The following ROBO2 variants were observed in gnomAD, a reference collection of about 807,000 sequenced individuals.
ROBO2 encodes roundabout homolog 2.
Under a neutral mutation model 160.8 loss-of-function variants are expected in ROBO2, and 53 were observed. The ratio of observed to expected loss-of-function variants is 0.33; its 90% CI spans 0.26 to 0.41. ROBO2 has a LOEUF of 0.41. ROBO2 is among the 10% of genes least tolerant of loss of function. ROBO2 has a pLI of 1.00. For missense variants in ROBO2, 1,577 were observed against 1,722.4 expected (o/e 0.92, Z 1.49); for synonymous variants, 664 against 611.7 (o/e 1.09, Z -1.26).
intron 2 of ROBO2, among the ~76,000 whole-genome samples, chr3:77,134,922 A>G (rs1242855544): frequency 6.6e-6 from 1 of 152,218 alleles, no homozygotes; most frequent in Non-Finnish European, 1.5e-5. Context: ...TAAATATGGT[A>G]TCTGCCGTTC....
At position 76,522,951 on chromosome 3, in the gene ROBO2, A is replaced by C. The variant is rs181784136; in HGVS notation, c.110-575063A>C. Among the ~76,000 whole-genome samples the C allele has an allele frequency of 7.2e-3, 1,073 of 149,288 alleles. 13 individuals carry two copies. Among genetic ancestry groups the C allele is most frequent in the African/African-American group, 0.024 (1,003 of 41,018 alleles). On this transcript the variant is annotated intron_variant, in intron 2 of 26. Transcript: ENST00000487694. Reference sequence around the variant, plus strand: ...ATATAGATAGCTGTATATATTACATAATTTTTATTATGATTATATAATTAT... The same window carrying C: ...ATATAGATAGCTGTATATATTACATCATTTTTATTATGATTATATAATTAT...
intron 2 of ROBO2, among the ~76,000 whole-genome samples, chr3:76,792,781 C>G (rs942531166): frequency 6.6e-6 from 1 of 151,650 alleles, no homozygotes; most frequent in East Asian, 1.9e-4. Context: ...TCAACCCAAA[C>G]TTTTTTTCTA....
In ROBO2 at chr3:77,596,633, C is replaced by T. The variant is rs758501341; in HGVS notation, c.2737C>T (p.Leu913Phe). 3.1e-6 allele frequency: 5 copies of T among 1,613,800 alleles called. No homozygotes were observed. The highest frequency in any genetic ancestry group is 1.3e-5 in the African/African-American group (1 of 74,888). Residue 913 changes from leucine to phenylalanine, a missense_variant, in exon 19 of 26, where the codon CTT becomes TTT. Physicochemically the swap from Leu to Phe is conservative, Grantham distance 22. Transcript: ENST00000461745. ...TAATTTCTGTTTTAGCCGTCCAGGTCTTCTCAATGCTGGTGATCCCAGCTA... is the reference window on the plus strand; with the variant it reads ...TAATTTCTGTTTTAGCCGTCCAGGTTTTCTCAATGCTGGTGATCCCAGCTA...
intron 2 of ROBO2, among the ~76,000 whole-genome samples, chr3:76,754,771 G>C (rs1384118626): frequency 2.0e-5 from 3 of 151,870 alleles, no homozygotes; most frequent in African/African-American, 7.2e-5. Flanking sequence ...TAATTAGGAA[G>C]TTTGGTACTT....
intron 2 of ROBO2, among the ~76,000 whole-genome samples, chr3:76,493,626 C>T (rs28500665): frequency 6.6e-6 from 1 of 151,568 alleles, no homozygotes; most frequent in African/African-American, 2.4e-5. Flanking sequence ...TTATGCGAAG[C>T]CTTCAGTTTT....
intron 2 of ROBO2, among the ~76,000 whole-genome samples, chr3:77,405,680 A>C (rs190017448): frequency 2.6e-5 from 4 of 152,112 alleles, no homozygotes; most frequent in Admixed American, 2.6e-4. Context: ...TCCAACTCTT[A>C]ATGTTTATAA....
At chr3:76,980,334 A>C (rs1019313871) in intron 2 of ROBO2, among the ~76,000 whole-genome samples, 3 of 152,324 alleles carry the variant, frequency 2.0e-5, no homozygotes, top group Admixed American at 6.5e-5. Context: ...CTTTAGAAAT[A>C]GTGCAAGATG....
intron 2 of ROBO2, chr3:77,316,807 T>C: frequency 7.7e-7 from 1 of 1,300,804 alleles, no homozygotes; most frequent in South Asian, 1.2e-5. Flanking sequence ...CTTGACGTTC[T>C]TGCCATCCAG....
intron 2 of ROBO2, among the ~76,000 whole-genome samples, chr3:75,958,163 T>A (rs1166195696): frequency 6.6e-6 from 1 of 151,818 alleles, no homozygotes; most frequent in African/African-American, 2.4e-5. Flanking sequence ...GCTGAACCAA[T>A]TTTGTACCTC....
intron 2 of ROBO2, chr3:77,317,372 A>C: frequency 1.0e-6 from 1 of 961,404 alleles, no homozygotes; most frequent in Non-Finnish European, 1.6e-6. Context: ...TGCCTAGTGT[A>C]TTGTCGGGGT....
At chr3:76,846,683 A>G (rs1413826699) in intron 2 of ROBO2, among the ~76,000 whole-genome samples, 1 of 152,188 alleles carries the variant, frequency 6.6e-6, no homozygotes, top group Admixed American at 6.5e-5. Flanking sequence ...AATAAGCTAA[A>G]ATAACCTATG....
intron 2 of ROBO2, among the ~76,000 whole-genome samples, chr3:77,154,100 C>A (rs914098696): frequency 6.6e-6 from 1 of 151,662 alleles, no homozygotes; most frequent in Non-Finnish European, 1.5e-5. Flanking sequence ...AGACTGCTAA[C>A]AGAATTATAA....
chr3:76,312,079 T>G (rs1320970396), intron 2 of ROBO2, among the ~76,000 whole-genome samples: 1 of 152,214 alleles, frequency 6.6e-6, no homozygotes, highest in Non-Finnish European at 1.5e-5. Flanking sequence ...GCCATTTGTT[T>G]ATATAAACAC....
chr3:76,731,873 C>A (rs1356635310), intron 2 of ROBO2, among the ~76,000 whole-genome samples: 2 of 152,102 alleles, frequency 1.3e-5, no homozygotes, highest in Admixed American at 6.5e-5. Flanking sequence ...AGGGAAATAT[C>A]AAATATGCCT....
intron 2 of ROBO2, among the ~76,000 whole-genome samples, chr3:77,451,986 T>C (rs1208909466): frequency 6.6e-6 from 1 of 152,108 alleles, no homozygotes; most frequent in African/African-American, 2.4e-5. Flanking sequence ...GTTTTCATTG[T>C]TCAATTCCTA....
At chr3:76,752,015 C>G (rs2108245450) in intron 2 of ROBO2, among the ~76,000 whole-genome samples, 1 of 152,186 alleles carries the variant, frequency 6.6e-6, no homozygotes, top group East Asian at 1.9e-4. Context: ...TGGCACTATT[C>G]ACAATAGCAA....
chr3:76,739,466 T>A (rs2108008726), intron 2 of ROBO2, among the ~76,000 whole-genome samples: 1 of 124,180 alleles, frequency 8.1e-6, no homozygotes, highest in South Asian at 3.0e-4. Context: ...AACATCACAC[T>A]CTGGGGACTG....
intron 2 of ROBO2, among the ~76,000 whole-genome samples, chr3:76,713,754 A>T (rs534707789): frequency 6.6e-6 from 1 of 152,128 alleles, no homozygotes; most frequent in Non-Finnish European, 1.5e-5. Context: ...AACATTAACA[A>T]CATGCTTTTA....
In ROBO2 at chr3:76,400,546, A is replaced by T. The variant is rs1576957823; in HGVS notation, c.109+462944A>T. ...GAAACATACAGGACAAATTGCTTTA[A>T]CAAATGTTTATATTTTTGCTTTAAA... On this transcript the variant is annotated intron_variant, in intron 2 of 26. Coordinates refer to the ROBO2 transcript ENST00000487694. Among the ~76,000 whole-genome samples, 4 of 151,628 alleles carry T rather than the reference A, an allele frequency of 2.6e-5. No homozygotes were observed. In the South Asian group the frequency reaches 8.3e-4, roughly 31 times the overall value.
Sources: gnomAD v4.1 joint callset for allele counts (sites outside exome capture counted in the v4.1 genomes callset) on GRCh38, gnomAD v4.1.1 for gene constraint, MANE v1.5 for transcripts, NCBI Gene and HGNC (gene_info 2026-07-23, HGNC 2026-07-21) for gene names.